NENF: variants seen among roughly 807,000 people sequenced by gnomAD.
NENF encodes the protein neudesin neurotrophic factor.
Under a neutral mutation model 14.8 loss-of-function variants are expected in NENF, and 6 were observed. That is an observed-to-expected ratio of 0.40 (90% confidence interval 0.22 to 0.80). The LOEUF is 0.80. Among genes scored for constraint, NENF ranks in the 30% least tolerant of loss-of-function variants. The pLI is 0.34. For synonymous variants in NENF, 76 were observed against 95.1 expected, an observed-to-expected ratio of 0.80 and a Z score of 1.17; for missense variants, 184 against 212.7, an observed-to-expected ratio of 0.87 and a Z score of 0.84.
Position 212,432,977 on chromosome 1 carries a change from C to T in NENF, c.34C>T (p.Pro12Ser). The part of the protein sequence containing the change: ...VGPAPRRRLR[P>S]LAALALVLAL... ...CCCCGCGCCGCGGCGGCGGCTGCGG[C>T]CGCTGGCAGCGCTGGCCCTGGTCCT... is the stretch of plus-strand genomic sequence containing the variant. The change falls in exon 1 of 4, where the codon CCG becomes TCG. Residue 12 changes from proline to serine, a missense_variant. By Grantham distance (74) the Pro-to-Ser change is moderately conservative (BLOSUM62 -1). Coordinates refer to ENST00000366988, the MANE Select transcript of NENF (RefSeq NM_013349.5). 9.3e-7 allele frequency: 1 copy of T among 1,078,494 alleles called. No individual in the cohort carries two copies. The highest frequency in any genetic ancestry group is 4.8e-5 in the East Asian group (1 of 20,898). 66.8% of individuals were successfully genotyped at this position (1,078,494 alleles called of 1,614,324 possible). A position where few individuals can be genotyped will look rare whatever the true frequency, so the allele number is the denominator to read the frequency against.
In NENF at chr1:212,433,047, C is replaced by T; in HGVS notation, c.104C>T (p.Pro35Leu). 1 of 1,188,950 alleles carries T rather than the reference C, an allele frequency of 8.4e-7. No individual in the cohort carries two copies. The highest frequency in any genetic ancestry group is 3.6e-5 in the East Asian group (1 of 27,950). The allele number at this position is 1,188,950 out of a possible 1,614,324, so 73.7% of individuals were successfully genotyped here. The change falls in exon 1 of 4, where the codon CCG becomes CTG. Residue 35 changes from proline to leucine, a missense_variant. Coordinates refer to ENST00000366988, the MANE Select transcript of NENF (RefSeq NM_013349.5). This position sits in a 1 kb window ranked among gnomAD's most constrained non-coding sequence, Gnocchi z 5.5. ...CCCACAGCCCGGGCCGGGCAGACAC[C>T]GCGCCCTGCCGAGCGGGGGCCCCCA... ...GLPTARAGQT[P>L]RPAERGPPVR...
chr1:212,437,479 G>T (rs1481553100), intron 1 of NENF, among the ~76,000 whole-genome samples: 4 of 151,854 alleles, frequency 2.6e-5, no homozygotes, highest in Non-Finnish European at 2.9e-5. Context: ...GTGTAACAAG[G>T]CTTTCTGAAA....
At chr1:212,439,969 C>T (rs565273801) in intron 1 of NENF, among the ~76,000 whole-genome samples, 2 of 151,880 alleles carry the variant, frequency 1.3e-5, no homozygotes, top group East Asian at 1.9e-4. Context: ...AAATAAGTGT[C>T]GGCTGGGCAT....
chr1:212,442,550 TC>T lies in NENF; in HGVS notation c.178-11del. ...CTCTTCCCTTCCTCTTCACAGCTTC[TC>T]CCCTGCTTTCTAGGAAGATCAGCCC... On this transcript the variant is annotated splice_polypyrimidine_tract_variant and intron_variant, in intron 1 of 3. Transcript: ENST00000366988. The T allele has an allele frequency of 3.1e-6, 5 of 1,609,198 alleles. No individual in the cohort carries two copies. Among genetic ancestry groups the T allele is most frequent in the Non-Finnish European group, 4.3e-6 (5 of 1,175,696 alleles).
At chr1:212,444,839 C>A (rs1174869234) in intron 3 of NENF, among the ~76,000 whole-genome samples, 1 of 152,146 alleles carries the variant, frequency 6.6e-6, no homozygotes, top group East Asian at 1.9e-4. Context: ...CCCCTTACAG[C>A]CTTGCTATTA....
intron 2 of NENF, 63 bp downstream of exon 2, chr1:212,442,688 C>T (rs1462386349): frequency 8.3e-6 from 10 of 1,199,698 alleles, no homozygotes; most frequent in Middle Eastern, 3.8e-4. Flanking sequence ...GTGAGCAGCA[C>T]TTGGAGGTGT....
Position 212,433,188 on chromosome 1 carries a change from C to A in NENF, c.177+68C>A. The A allele has an allele frequency of 9.7e-7, 1 of 1,036,140 alleles. No homozygotes were observed. The highest frequency in any genetic ancestry group is 1.2e-6 in the Non-Finnish European group (1 of 833,558). 64.2% of individuals were successfully genotyped at this position (1,036,140 alleles called of 1,614,324 possible). A position where few individuals can be genotyped will look rare whatever the true frequency, so the allele number is the denominator to read the frequency against. The stretch of plus-strand genomic sequence containing the variant: ...CGATCTGCGGCGAGCCGAGCGGGGA[C>A]CCAGGAGGCGCCGGCGGCCCAGGAA... On this transcript the variant is annotated intron_variant, in intron 1 of 3. Transcript: ENST00000366988. The surrounding 1 kb of genome is among the most constrained non-coding windows in gnomAD (Gnocchi z 5.5).
rs1353413613 is a variant in NENF at position 212,444,553 on chromosome 1, GTGTGTGTGTGTGTGTA to G, written c.342+113_342+128del. ...TGTGTGTGTGTGTGTGTGTGTGTGT[GTGTGTGTGTGTGTGTA>G]TCTGGGCAAGAGCAAGCCTTCCTAA... On this transcript the variant is annotated intron_variant, in intron 3 of 3. Transcript: ENST00000366988. 8.4e-3 allele frequency: 4,113 copies of G among 489,240 alleles called. 71 individuals carry two copies. The highest frequency in any genetic ancestry group is 0.062 in the Admixed American group (1,377 of 22,304). 30.3% of individuals were successfully genotyped at this position (489,240 alleles called of 1,614,324 possible). A position where few individuals can be genotyped will look rare whatever the true frequency, so the allele number is the denominator to read the frequency against.
At chr1:212,444,289 A>G in intron 2 of NENF, 50 bp from the exon 3 acceptor site, 1 of 1,304,454 alleles carries the variant, frequency 7.7e-7, no homozygotes, top group Non-Finnish European at 1.1e-6. Flanking sequence ...GCTCCTGGTT[A>G]CTCTGCATGT....
Position 212,435,054 on chromosome 1 carries a change from TCTATGC to T in NENF, c.177+1937_177+1942del, listed in dbSNP as rs1432381012. The stretch of plus-strand genomic sequence containing the variant: ...TGTTGTTTGACCTAGATTGTTCTGG[TCTATGC>T]CTGTTATCCAGGGATAATTATTAAT... On this transcript the variant is annotated intron_variant, in intron 1 of 3. Coordinates refer to ENST00000366988, the MANE Select transcript of NENF (RefSeq NM_013349.5). 4.6e-5 allele frequency: 7 copies of T among 152,342 alleles called. No individual in the cohort carries two copies. The East Asian group carries it at 1.4e-3, about 29-fold the overall frequency. The allele number at this position is 152,342 out of a possible 1,614,324, so 9.4% of individuals were successfully genotyped here. A position where few individuals can be genotyped will look rare whatever the true frequency, so the allele number is the denominator to read the frequency against.
chr1:212,441,782 G>A (rs1662702815), intron 1 of NENF, among the ~76,000 whole-genome samples: 1 of 151,266 alleles, frequency 6.6e-6, no homozygotes, highest in African/African-American at 2.4e-5. Flanking sequence ...GTGAAACTCT[G>A]TCTCAAAAAA....
rs968064578 is a variant in NENF, at chr1:212,433,550, C to G, written c.177+430C>G. Among the ~76,000 whole-genome samples, 1 of 152,016 alleles carries G rather than the reference C, an allele frequency of 6.6e-6. No homozygotes were observed. The highest frequency in any genetic ancestry group is 1.5e-5 in the Non-Finnish European group (1 of 67,968). ...TCCCTGGGTTAGGTGGGAATTGAGA[C>G]AGGTCCTGGGATAAGCCAGTCTTTG... On this transcript the variant is annotated intron_variant, in intron 1 of 3. Coordinates refer to ENST00000366988, the MANE Select transcript of NENF (RefSeq NM_013349.5). This position sits in a 1 kb window ranked among gnomAD's most constrained non-coding sequence, Gnocchi z 5.5.
At chr1:212,443,965 T>C (rs1662735908) in intron 2 of NENF, among the ~76,000 whole-genome samples, 1 of 152,020 alleles carries the variant, frequency 6.6e-6, no homozygotes, top group African/African-American at 2.4e-5. Flanking sequence ...GGTGGGAGAA[T>C]TGCTTGAACC....
At chr1:212,442,168 T>A (rs113843806) in intron 1 of NENF, among the ~76,000 whole-genome samples, 1,903 of 152,324 alleles carry the variant, frequency 0.012, 48 homozygotes, top group African/African-American at 0.043. Flanking sequence ...TGTGCCACCA[T>A]GCCCGGCTAA....
rs750852343 is a variant in NENF at position 212,446,013 on chromosome 1, C to A, written c.*7C>A. The stretch of plus-strand genomic sequence containing the variant: ...CATCAAGGATGAGTTCTGATGTTCC[C>A]CCTGCAGGAGCAGGTTCTTGGGAGC... On this transcript the variant is annotated 3_prime_UTR_variant, in exon 4 of 4. Transcript: ENST00000366988. 6.8e-6 allele frequency: 11 copies of A among 1,613,896 alleles called. No individual in the cohort carries two copies. Among genetic ancestry groups the A allele is most frequent in the Non-Finnish European group, 9.3e-6 (11 of 1,179,854 alleles).
At chr1:212,440,318 A>G (rs1488629596) in intron 1 of NENF, among the ~76,000 whole-genome samples, 1 of 152,140 alleles carries the variant, frequency 6.6e-6, no homozygotes, top group Non-Finnish European at 1.5e-5. Context: ...AAGATATGAC[A>G]AAATACTGGG....
chr1:212,445,156 G>GCCTC (rs1375500388), intron 3 of NENF, among the ~76,000 whole-genome samples: 11 of 152,102 alleles, frequency 7.2e-5, no homozygotes, highest in African/African-American at 2.7e-4. Flanking sequence ...TTGGGAGGTT[G>GCCTC]AGGCAGGAGA....
chr1:212,435,635 C>T (rs1349803586), intron 1 of NENF, among the ~76,000 whole-genome samples: 4 of 151,044 alleles, frequency 2.6e-5, no homozygotes, highest in African/African-American at 9.7e-5. Context: ...ACAGCCTCCT[C>T]CTGGGCTCAA....
chr1:212,446,107 A>G lies in NENF; in HGVS notation c.*101A>G. The G allele has an allele frequency of 8.7e-7, 1 of 1,148,098 alleles. No individual in the cohort carries two copies. The highest frequency in any genetic ancestry group is 2.7e-4 in the Middle Eastern group (1 of 3,666). The allele number at this position is 1,148,098 out of a possible 1,614,324, so 71.1% of individuals were successfully genotyped here. On this transcript the variant is annotated 3_prime_UTR_variant, in exon 4 of 4. Transcript: ENST00000366988. ...GCTGCCTGGAGGCCCTGAGCCACCC[A>G]GATCTGAATAAAACAGATGCTTACC...
Sources: gnomAD v4.1 joint callset for allele counts (sites outside exome capture counted in the v4.1 genomes callset) on GRCh38, gnomAD v4.1.1 for gene constraint, Gnocchi (gnomAD v3.1) non-coding constraint, MANE v1.5 for transcripts, NCBI Gene and HGNC (gene_info 2026-07-23, HGNC 2026-07-21) for gene names.